AP1G1: variants seen among roughly 807,000 people sequenced by gnomAD.
AP1G1 encodes AP-1 complex subunit gamma-1.
In AP1G1, 7 loss-of-function variants were observed where a neutral mutation model predicts 108.3. The ratio of observed to expected loss-of-function variants is 0.06; its 90% confidence interval spans 0.04 to 0.12. The LOEUF (loss-of-function observed/expected upper bound fraction) is 0.12, where lower values mean the gene tolerates loss of function less well. Among genes scored for constraint, AP1G1 ranks in the 10% least tolerant of loss-of-function variants. The pLI is 1.00. For synonymous variants in AP1G1, 379 were observed against 353.5 expected (o/e 1.07, Z -0.81); for missense variants, 756 against 1,010.7 (o/e 0.75, Z 3.42).
chr16:71,776,523 T>C (rs764778585), intron 2 of AP1G1, among the ~76,000 whole-genome samples: 40 of 152,322 alleles, frequency 2.6e-4, no homozygotes, highest in Non-Finnish European at 4.3e-4. Context: ...TAAAATATTA[T>C]CAAACAAACC....
intron 2 of AP1G1, among the ~76,000 whole-genome samples, chr16:71,780,827 T>G (rs965088695): frequency 2.0e-5 from 3 of 151,668 alleles, no homozygotes; most frequent in African/African-American, 7.3e-5. Flanking sequence ...TTACTTTTTT[T>G]TTTTTTTTTG....
chr16:71,735,357 T>C (rs551572919), intron 21 of AP1G1, among the ~76,000 whole-genome samples: 14 of 152,302 alleles, frequency 9.2e-5, no homozygotes, highest in African/African-American at 3.4e-4. Context: ...TTTGCTTGCT[T>C]ATAGAAATAA....
chr16:71,736,323 A>T (rs923469794), intron 21 of AP1G1, among the ~76,000 whole-genome samples: 1 of 148,934 alleles, frequency 6.7e-6, no homozygotes. Flanking sequence ...TTTTAAATGT[A>T]TCCTAATTTT....
Position 71,808,766 on chromosome 16 carries a change from C to T in AP1G1, c.-7G>A. 2 of 1,289,630 alleles carry T rather than the reference C, an allele frequency of 1.6e-6. No individual in the cohort carries two copies. Among genetic ancestry groups the T allele is most frequent in the Non-Finnish European group, 2.0e-6 (2 of 988,736 alleles). 79.9% of individuals were successfully genotyped at this position (1,289,630 alleles called of 1,614,324 possible). On this transcript the variant is annotated 5_prime_UTR_variant, in exon 1 of 23. Coordinates refer to ENST00000299980, the MANE Select transcript of AP1G1 (RefSeq NM_001128.6). Reference sequence around the variant, plus strand: ...CAGCGCCGGGAGTGACACTCACCGGCCCGAAACCTCGAATGAAACCAGCAG... The same window carrying T: ...CAGCGCCGGGAGTGACACTCACCGGTCCGAAACCTCGAATGAAACCAGCAG...
rs754816613 is a variant in AP1G1 at position 71,786,005 on chromosome 16, TG to T, written c.201+3273del. ...ATATTATAAAGGTAATTCCAACGGA[TG>T]GGGTACCAAATTACTGATATGAACA... On this transcript the variant is annotated intron_variant, in intron 2 of 22. Transcript: ENST00000299980. Among the ~76,000 whole-genome samples the T allele has an allele frequency of 1.3e-4, 20 of 152,278 alleles. No homozygotes were observed. The East Asian group carries it at 3.7e-3, about 28-fold the overall frequency.
At chr16:71,789,511 T>C in intron 1 of AP1G1, 29 bp from the exon 2 acceptor site, 1 of 1,597,824 alleles carries the variant, frequency 6.3e-7, no homozygotes, top group Non-Finnish European at 8.6e-7. Context: ...TAAATAGAGA[T>C]GTTCACATTT....
intron 13 of AP1G1, 37 bp from the exon 14 acceptor site, chr16:71,750,369 A>C (rs2030419216): frequency 1.9e-6 from 3 of 1,609,908 alleles, no homozygotes; most frequent in Middle Eastern, 1.8e-4. Flanking sequence ...CTAGAAACAC[A>C]CAGAAATGAT....
At chr16:71,785,960 G>C (rs886838744) in intron 2 of AP1G1, among the ~76,000 whole-genome samples, 4 of 152,074 alleles carry the variant, frequency 2.6e-5, no homozygotes, top group Non-Finnish European at 5.9e-5. Flanking sequence ...ACAAAATCTA[G>C]ATATGAACCT....
At chr16:71,794,835 C>CTTTTCTTTTTTTTTTTTTTTTTT (rs2032522793) in intron 1 of AP1G1, among the ~76,000 whole-genome samples, 3 of 39,658 alleles carry the variant, frequency 7.6e-5, no homozygotes, top group African/African-American at 2.1e-4. Context: ...ATGAGAAGTG[C>CTTTTCTTTTTTTTTTTTTTTTTT]TTTTTTTTTT....
intron 15 of AP1G1, 27 bp downstream of exon 15, chr16:71,749,867 C>A: frequency 1.3e-6 from 2 of 1,549,410 alleles, no homozygotes; most frequent in Non-Finnish European, 8.9e-7. Context: ...TATTTTCCCC[C>A]ACTTAACCAA....
At chr16:71,784,182 T>C (rs751025588) in intron 2 of AP1G1, among the ~76,000 whole-genome samples, 5 of 152,226 alleles carry the variant, frequency 3.3e-5, no homozygotes, top group South Asian at 2.1e-4. Flanking sequence ...GCTTTTTATA[T>C]ACAAAATGTG....
chr16:71,808,330 G>A (rs890534655), intron 1 of AP1G1: 3 of 751,682 alleles, frequency 4.0e-6, no homozygotes, highest in South Asian at 2.0e-5. Flanking sequence ...CTGGGCATTT[G>A]GATATGCTGG....
intron 2 of AP1G1, 32 bp downstream of exon 2, chr16:71,789,247 C>A (rs373038544): frequency 3.8e-6 from 6 of 1,581,852 alleles, no homozygotes; most frequent in Non-Finnish European, 5.2e-6. Context: ...TCAAAGAATA[C>A]CCTTGCTACA....
chr16:71,755,733 C>T (rs553229233), intron 12 of AP1G1, among the ~76,000 whole-genome samples: 74 of 152,152 alleles, frequency 4.9e-4, no homozygotes, highest in Non-Finnish European at 1.0e-3. Flanking sequence ...GCAACCTCCA[C>T]CTCCCAGGTT....
chr16:71,789,084 C>G (rs1326490156), intron 2 of AP1G1, among the ~76,000 whole-genome samples, 195 bp downstream of exon 2: 1 of 152,178 alleles, frequency 6.6e-6, no homozygotes, highest in Non-Finnish European at 1.5e-5. Flanking sequence ...AATGAGACTC[C>G]CAGTGGAAAG....
At chr16:71,742,883 G>C (rs2029936271) in intron 19 of AP1G1, 1 of 151,778 alleles carries the variant, frequency 6.6e-6, no homozygotes, top group Admixed American at 6.6e-5. Flanking sequence ...TGAGGCAGGA[G>C]AATCACTTGA....
intron 16 of AP1G1, among the ~76,000 whole-genome samples, chr16:71,747,691 T>C (rs985013135): frequency 1.3e-5 from 2 of 151,920 alleles, no homozygotes; most frequent in African/African-American, 2.4e-5. Context: ...TCTAAAAACG[T>C]AACTTTTAGG....
intron 15 of AP1G1, among the ~76,000 whole-genome samples, chr16:71,749,681 G>C (rs1206784159): frequency 6.6e-6 from 1 of 152,066 alleles, no homozygotes; most frequent in Non-Finnish European, 1.5e-5. Flanking sequence ...TGTAGAGACA[G>C]AGTTTCACCA....
chr16:71,740,848 C>G (rs1030047027), intron 19 of AP1G1, among the ~76,000 whole-genome samples: 13 of 152,140 alleles, frequency 8.5e-5, no homozygotes, highest in Admixed American at 8.5e-4. Flanking sequence ...AACATCAACC[C>G]TCTTAATATT....
Sources: gnomAD v4.1 joint callset for allele counts (sites outside exome capture counted in the v4.1 genomes callset) on GRCh38, gnomAD v4.1.1 for gene constraint, MANE v1.5 for transcripts, NCBI Gene and HGNC (gene_info 2026-07-23, HGNC 2026-07-21) for gene names.